PHYHIPL: variants seen among roughly 807,000 people sequenced by gnomAD.
PHYHIPL encodes the protein phytanoyl-CoA 2-hydroxylase interacting protein like, also known as phytanoyl-CoA hydroxylase-interacting protein-like.
Under a neutral mutation model 33.4 loss-of-function variants are expected in PHYHIPL, and 9 were observed. The ratio of observed to expected loss-of-function variants is 0.27; its 90% confidence interval spans 0.16 to 0.47. PHYHIPL has a LOEUF of 0.47. Among genes scored for constraint, PHYHIPL ranks in the 20% least tolerant of loss-of-function variants. The pLI, the probability that PHYHIPL is intolerant of heterozygous loss-of-function variation, is 0.99. For synonymous variants in PHYHIPL, 153 were observed against 154.1 expected, an observed-to-expected ratio of 0.99 and a Z score of 0.05; for missense variants, 365 against 460.7, an observed-to-expected ratio of 0.79 and a Z score of 1.90.
At chr10:59,186,236 G>T (rs1838597573) in intron 1 of PHYHIPL, among the ~76,000 whole-genome samples, 3 of 152,184 alleles carry the variant, frequency 2.0e-5, no homozygotes, top group South Asian at 2.1e-4. Flanking sequence ...CTTTCCCCAT[G>T]GCTTATTTTT....
At chr10:59,209,078 C>T (rs542756834) in intron 1 of PHYHIPL, among the ~76,000 whole-genome samples, 400 of 152,028 alleles carry the variant, frequency 2.6e-3, no homozygotes, top group African/African-American at 9.0e-3. Flanking sequence ...ATACAGAGAA[C>T]GCCACAGAGA....
At chr10:59,215,253 C>A (rs1839582045) in intron 1 of PHYHIPL, among the ~76,000 whole-genome samples, 1 of 151,924 alleles carries the variant, frequency 6.6e-6, no homozygotes, top group Non-Finnish European at 1.5e-5. Flanking sequence ...TACATTGAAT[C>A]TACAGAAAAG....
intron 2 of PHYHIPL, among the ~76,000 whole-genome samples, chr10:59,235,620 C>T (rs1245988000): frequency 6.6e-6 from 1 of 151,776 alleles, no homozygotes; most frequent in African/African-American, 2.4e-5. Flanking sequence ...TCTGATTATG[C>T]TTTCAGTGAT....
intron 1 of PHYHIPL, chr10:59,177,265 C>T: frequency 1.7e-6 from 1 of 596,500 alleles, no homozygotes. Flanking sequence ...CCCGACGAGG[C>T]GTTTCCGATC....
chr10:59,218,854 C>T (rs938887808), intron 1 of PHYHIPL, among the ~76,000 whole-genome samples: 1 of 152,070 alleles, frequency 6.6e-6, no homozygotes, highest in Non-Finnish European at 1.5e-5. Flanking sequence ...TCATTAATCT[C>T]ATGATAACCC....
At chr10:59,217,000 G>C (rs1017803733) in intron 1 of PHYHIPL, among the ~76,000 whole-genome samples, 3 of 152,010 alleles carry the variant, frequency 2.0e-5, no homozygotes, top group Admixed American at 6.6e-5. Flanking sequence ...AAAATAGTTT[G>C]TAATACTTTA....
chr10:59,191,650 A>T (rs1473115261), intron 1 of PHYHIPL, among the ~76,000 whole-genome samples: 2 of 152,002 alleles, frequency 1.3e-5, no homozygotes, highest in Non-Finnish European at 2.9e-5. Flanking sequence ...ACTATTCCTG[A>T]GAGCTTCCAG....
At chr10:59,212,490 T>C (rs1839485008) in intron 1 of PHYHIPL, among the ~76,000 whole-genome samples, 1 of 152,214 alleles carries the variant, frequency 6.6e-6, no homozygotes, top group Admixed American at 6.5e-5. Context: ...CCAGCAGGCA[T>C]ACTTCAACCA....
chr10:59,199,664 G>A (rs535894159), intron 1 of PHYHIPL, among the ~76,000 whole-genome samples: 9 of 152,240 alleles, frequency 5.9e-5, no homozygotes, highest in Admixed American at 1.3e-4. Context: ...CCATTTTCAC[G>A]ATATTGATTC....
chr10:59,221,216 A>C (rs1353065771), intron 1 of PHYHIPL, among the ~76,000 whole-genome samples: 2 of 151,996 alleles, frequency 1.3e-5, no homozygotes, highest in African/African-American at 4.8e-5. Flanking sequence ...CCATCTGCTA[A>C]AGGCCTTTTC....
At chr10:59,188,027 T>C (rs942006925) in intron 1 of PHYHIPL, among the ~76,000 whole-genome samples, 54 of 152,212 alleles carry the variant, frequency 3.5e-4, no homozygotes, top group Non-Finnish European at 1.0e-4. Context: ...GTGTTTGCTC[T>C]TGCTTCTCTA....
At chr10:59,219,481 T>C (rs1260571894) in intron 1 of PHYHIPL, among the ~76,000 whole-genome samples, 1 of 152,166 alleles carries the variant, frequency 6.6e-6, no homozygotes, top group African/African-American at 2.4e-5. Flanking sequence ...ATACCCAAAA[T>C]TGTTGTATCA....
rs533826218 is a variant in PHYHIPL, at chr10:59,232,006, T to C, written c.107-2298T>C. On this transcript the variant is annotated intron_variant, in intron 1 of 4. Transcript: ENST00000373880. ...AACAAAACTGAAATTACAGAATTTC[T>C]TTTTTAAAAATTATGAAAACCCTAT... Among the ~76,000 whole-genome samples, 344 of 152,144 alleles carry C rather than the reference T, an allele frequency of 2.3e-3. 3 individuals are homozygous for C. The highest frequency in any genetic ancestry group is 8.0e-3 in the African/African-American group (332 of 41,550).
At position 59,245,303 on chromosome 10, in the gene PHYHIPL, G is replaced by A. The variant is rs557887393; in HGVS notation, c.843G>A (p.Val281=). ...GTATGTACACTGCTTATCATTATGTGATTCTTGTTATTGCTCCTGTGGGAT... is the reference window on the plus strand; with the variant it reads ...GTATGTACACTGCTTATCATTATGTAATTCTTGTTATTGCTCCTGTGGGAT... ...FYCMYTAYHY[V]ILVIAPVGSP... Residue 281 remains valine, a synonymous_variant, in exon 5 of 5, where the codon GTG becomes GTA. Transcript: ENST00000373880. The A allele has an allele frequency of 6.2e-7, 1 of 1,614,176 alleles. No individual in the cohort carries two copies. Among genetic ancestry groups the A allele is most frequent in the African/African-American group, 1.3e-5 (1 of 75,058 alleles).
chr10:59,242,934 A>ATGT (rs1429544157), intron 4 of PHYHIPL, among the ~76,000 whole-genome samples: 1 of 152,222 alleles, frequency 6.6e-6, no homozygotes, highest in Non-Finnish European at 1.5e-5. Flanking sequence ...TCTAATATTC[A>ATGT]TGTTGTTAAA....
Position 59,194,039 on chromosome 10 carries a change from G to A in PHYHIPL, c.106+17080G>A, listed in dbSNP as rs551825600. On this transcript the variant is annotated intron_variant, in intron 1 of 4. Coordinates refer to ENST00000373880, the MANE Select transcript of PHYHIPL (RefSeq NM_032439.4). ...TTTAGCTACTTCTTCTAGAACTTTT[G>A]TTTTGCACTATGTATTGTAGAAGTA... 2.8e-3 allele frequency among the ~76,000 whole-genome samples: 391 copies of A among 140,698 alleles called. 2 individuals are homozygous for A. The highest frequency in any genetic ancestry group is 9.6e-3 in the African/African-American group (366 of 38,044). 92.3% of individuals were successfully genotyped at this position (140,698 alleles called of 152,430 possible).
intron 1 of PHYHIPL, among the ~76,000 whole-genome samples, chr10:59,223,918 C>T (rs1296092925): frequency 6.6e-6 from 1 of 152,092 alleles, no homozygotes; most frequent in Non-Finnish European, 1.5e-5. Flanking sequence ...TATCAGCCTC[C>T]CAAAGTGTTG....
rs1349299366 is a variant in PHYHIPL at position 59,184,208 on chromosome 10, T to C, written c.106+7249T>C. Among the ~76,000 whole-genome samples, 4 of 152,180 alleles carry C rather than the reference T, an allele frequency of 2.6e-5. No homozygotes were observed. In the South Asian group the frequency reaches 8.3e-4, roughly 32 times the overall value. On this transcript the variant is annotated intron_variant, in intron 1 of 4. Coordinates refer to ENST00000373880, the MANE Select transcript of PHYHIPL (RefSeq NM_032439.4). Reference sequence around the variant, plus strand: ...TAAGCCTGCTACCTGTTTTGGTAAGTATAATTTTATTGGAATACAGCCATA... The same window carrying C: ...TAAGCCTGCTACCTGTTTTGGTAAGCATAATTTTATTGGAATACAGCCATA...
chr10:59,204,370 T>C (rs1282947060), intron 1 of PHYHIPL, among the ~76,000 whole-genome samples: 1 of 152,196 alleles, frequency 6.6e-6, no homozygotes, highest in Non-Finnish European at 1.5e-5. Flanking sequence ...GTCTAAGTGA[T>C]TACAAGTTAA....
Sources: gnomAD v4.1 joint callset for allele counts (sites outside exome capture counted in the v4.1 genomes callset) on GRCh38, gnomAD v4.1.1 for gene constraint, MANE v1.5 for transcripts, NCBI Gene and HGNC (gene_info 2026-07-23, HGNC 2026-07-21) for gene names.